The following RIN2 variants were observed in gnomAD, a reference collection of about 807,000 sequenced individuals.
The protein encoded by RIN2 is Ras and Rab interactor 2.
In RIN2, 36 loss-of-function variants were observed where a neutral mutation model predicts 78.0. The observed-to-expected ratio is 0.46, with a 90% CI of 0.35 to 0.61. The LOEUF (loss-of-function observed/expected upper bound fraction) is 0.61. Among genes scored for constraint, RIN2 ranks in the 20% least tolerant of loss-of-function variants. The pLI, the probability that RIN2 is intolerant of heterozygous loss-of-function variation, is 0.00. For synonymous variants in RIN2, 466 were observed against 466.8 expected, an observed-to-expected ratio of 1.00 and a Z score of 0.02; for missense variants, 1,087 against 1,159.7, an observed-to-expected ratio of 0.94 and a Z score of 0.91.
At position 19,965,811 on chromosome 20, in the gene RIN2, C is replaced by T. The variant is rs993056686; in HGVS notation, c.536+787C>T. Among the ~76,000 whole-genome samples, 10 of 152,088 alleles carry T rather than the reference C, an allele frequency of 6.6e-5. 1 individual carries two copies. The highest frequency in any genetic ancestry group is 2.4e-4 in the African/African-American group (10 of 41,398). ...ATTTTTAGTAGAGACGGGTTTTCAC[C>T]ATGTTGACCAGGCTGGTCTTGAACT... On this transcript the variant is annotated intron_variant, in intron 7 of 12. Transcript: ENST00000255006.
intron 9 of RIN2, among the ~76,000 whole-genome samples, chr20:19,982,928 G>A (rs576640975): frequency 2.0e-5 from 3 of 152,308 alleles, no homozygotes; most frequent in African/African-American, 7.2e-5. Flanking sequence ...CAGCAGGGCT[G>A]AGATCCACCT....
At chr20:19,915,626 C>A (rs1362182771) in intron 3 of RIN2, among the ~76,000 whole-genome samples, 1 of 152,226 alleles carries the variant, frequency 6.6e-6, no homozygotes, top group Non-Finnish European at 1.5e-5. Flanking sequence ...GAGGAACAAA[C>A]CTTTGCATTT....
chr20:19,781,653 C>G (rs1007400466), intron 1 of RIN2, among the ~76,000 whole-genome samples: 5 of 152,204 alleles, frequency 3.3e-5, no homozygotes, highest in Admixed American at 2.6e-4. Flanking sequence ...GTCTCAAACT[C>G]TGGACCTCAA....
intron 6 of RIN2, among the ~76,000 whole-genome samples, chr20:19,962,412 G>A (rs967114899): frequency 1.3e-5 from 2 of 152,214 alleles, no homozygotes; most frequent in African/African-American, 2.4e-5. Flanking sequence ...TGTGTTGGTC[G>A]GAAGCCACTT....
rs10605325 is a variant in RIN2 at position 19,764,918 on chromosome 20, G to GTTTT, written c.-163+6613_-163+6616dup. ...GGGCAAGTCCCACTTCACTTTCTGC[G>GTTTT]TTTTTTTTTTTTTTTTTTTTTTTTT... On this transcript the variant is annotated intron_variant, in intron 1 of 12. Transcript: ENST00000255006. 2.5e-3 allele frequency among the ~76,000 whole-genome samples: 127 copies of GTTTT among 50,384 alleles called. 15 individuals are homozygous for GTTTT. Among genetic ancestry groups the GTTTT allele is most frequent in the African/African-American group, 4.4e-3 (69 of 15,518 alleles). 33.1% of individuals were successfully genotyped at this position (50,384 alleles called of 152,430 possible). A position where few individuals can be genotyped will look rare whatever the true frequency, so the allele number is the denominator to read the frequency against.
At chr20:19,912,532 G>A (rs2039519714) in intron 3 of RIN2, among the ~76,000 whole-genome samples, 1 of 135,604 alleles carries the variant, frequency 7.4e-6, no homozygotes, top group Non-Finnish European at 1.5e-5. Context: ...AGGCTGGAGT[G>A]CCATGCTGCG....
chr20:19,825,165 C>T (rs2036050781), intron 2 of RIN2, among the ~76,000 whole-genome samples: 1 of 152,248 alleles, frequency 6.6e-6, no homozygotes, highest in African/African-American at 2.4e-5. Flanking sequence ...TACCTGCCTT[C>T]CTCACTTCCA....
At position 19,956,825 on chromosome 20, in the gene RIN2, G is replaced by A. The variant is rs773113449; in HGVS notation, c.351+18G>A. 2.4e-5 allele frequency: 37 copies of A among 1,532,378 alleles called. No homozygotes were observed. Among genetic ancestry groups the A allele is most frequent in the African/African-American group, 9.6e-5 (7 of 72,828 alleles). The allele number at this position is 1,532,378 out of a possible 1,614,324, so 94.9% of individuals were successfully genotyped here. On this transcript the variant is annotated intron_variant, in intron 5 of 12. Coordinates refer to ENST00000255006, the MANE Select transcript of RIN2 (RefSeq NM_018993.4). ...CTCCGGGGGTAAGACTCAGAACCTC[G>A]GGAAGCAGGTTGAAGCAGGCAGGAC...
chr20:19,925,046 C>A (rs2057578910), intron 3 of RIN2, among the ~76,000 whole-genome samples: 1 of 151,360 alleles, frequency 6.6e-6, no homozygotes, highest in Admixed American at 6.6e-5. Flanking sequence ...GCCTCCCCCA[C>A]CTCTTTGTGC....
At chr20:19,874,889 C>G (rs897001439) in intron 2 of RIN2, among the ~76,000 whole-genome samples, 5 of 152,012 alleles carry the variant, frequency 3.3e-5, no homozygotes, top group African/African-American at 1.2e-4. Context: ...GAGACAGGGT[C>G]TCACTCCATC....
At chr20:19,903,523 G>A (rs1189553460) in intron 3 of RIN2, among the ~76,000 whole-genome samples, 1 of 152,126 alleles carries the variant, frequency 6.6e-6, no homozygotes, top group African/African-American at 2.4e-5. Flanking sequence ...AGGTCACTTG[G>A]GGTTCTGTTC....
chr20:19,834,528 T>A (rs1209339538), intron 2 of RIN2, among the ~76,000 whole-genome samples: 1 of 152,152 alleles, frequency 6.6e-6, no homozygotes, highest in African/African-American at 2.4e-5. Flanking sequence ...AGGCTCCTCC[T>A]CCTGCCCTCC....
At chr20:19,994,346 G>A (rs889167082) in intron 11 of RIN2, among the ~76,000 whole-genome samples, 1 of 152,182 alleles carries the variant, frequency 6.6e-6, no homozygotes, top group Admixed American at 6.5e-5. Context: ...GGACTTTTCC[G>A]TGCCTGCCCA....
chr20:19,917,261 A>G (rs1484645881), intron 3 of RIN2, among the ~76,000 whole-genome samples: 1 of 152,142 alleles, frequency 6.6e-6, no homozygotes, highest in Non-Finnish European at 1.5e-5. Context: ...TTGTTTTACC[A>G]AGAATTGCAC....
chr20:19,996,282 C>G (rs570334520), intron 11 of RIN2, among the ~76,000 whole-genome samples: 143 of 152,244 alleles, frequency 9.4e-4, no homozygotes, highest in African/African-American at 3.1e-3. Context: ...CCACTGCACT[C>G]CAGCCTGGGT....
At chr20:19,788,439 A>AAAAAAAAAACAAAAACAAAAAC (rs59971778) in intron 1 of RIN2, among the ~76,000 whole-genome samples, 1 of 132,994 alleles carries the variant, frequency 7.5e-6, no homozygotes, top group African/African-American at 3.3e-5. Flanking sequence ...TGCCAAAAAA[A>AAAAAAAAAACAAAAACAAAAAC]AAAAAAAAAA....
At chr20:19,802,732 T>C (rs1028609935) in intron 2 of RIN2, among the ~76,000 whole-genome samples, 2 of 152,164 alleles carry the variant, frequency 1.3e-5, no homozygotes, top group Non-Finnish European at 2.9e-5. Flanking sequence ...GACTGAGTCC[T>C]GAAGGCCCCC....
intron 3 of RIN2, among the ~76,000 whole-genome samples, chr20:19,931,911 T>C (rs2040456922): frequency 6.6e-6 from 1 of 152,196 alleles, no homozygotes; most frequent in African/African-American, 2.4e-5. Context: ...CAAAGGTATC[T>C]TTGGGCCCAC....
chr20:19,783,807 G>A (rs1052791022), intron 1 of RIN2, among the ~76,000 whole-genome samples: 1 of 152,124 alleles, frequency 6.6e-6, no homozygotes, highest in African/African-American at 2.4e-5. Flanking sequence ...GTTCACACTC[G>A]CTCTCATCAG....
Sources: gnomAD v4.1 joint callset for allele counts (sites outside exome capture counted in the v4.1 genomes callset) on GRCh38, gnomAD v4.1.1 for gene constraint, MANE v1.5 for transcripts, NCBI Gene and HGNC (gene_info 2026-07-23, HGNC 2026-07-21) for gene names.